FHIT: variants seen among roughly 807,000 people sequenced by gnomAD.
FHIT encodes the protein bis(5'-adenosyl)-triphosphatase.
In FHIT, 19 loss-of-function variants were observed where a neutral mutation model predicts 17.9. That is an observed-to-expected ratio of 1.06 (90% confidence interval 0.74 to 1.56). The LOEUF is 1.56. Among genes scored for constraint, FHIT ranks in the 40% most tolerant of loss-of-function variants. The pLI is 0.00. For synonymous variants in FHIT, 81 were observed against 69.7 expected, an observed-to-expected ratio of 1.16 and a Z score of -0.81; for missense variants, 248 against 189.2, an observed-to-expected ratio of 1.31 and a Z score of -1.82.
rs78489696 is a variant in FHIT, at chr3:60,375,813, A to C, written c.103+161047T>G. 5.5e-4 allele frequency among the ~76,000 whole-genome samples: 84 copies of C among 152,190 alleles called. 1 individual carries two copies. In the East Asian group the frequency reaches 0.013, roughly 23 times the overall value. On this transcript the variant is annotated intron_variant, in intron 5 of 9. Coordinates refer to ENST00000492590, the MANE Select transcript of FHIT (RefSeq NM_002012.4). ...CTGTTCTGTAGAAAGACCTTCCCAG[A>C]TCCTATAGATGCAATGCTGTCAAAC...
At chr3:59,885,084 A>C (rs1459405008) in intron 8 of FHIT, among the ~76,000 whole-genome samples, 3 of 152,234 alleles carry the variant, frequency 2.0e-5, no homozygotes, top group Non-Finnish European at 2.9e-5. Flanking sequence ...AATGTGTTCA[A>C]ATAAAGATAT....
At chr3:60,433,343 A>G (rs938193772) in intron 5 of FHIT, among the ~76,000 whole-genome samples, 1 of 152,024 alleles carries the variant, frequency 6.6e-6, no homozygotes, top group Non-Finnish European at 1.5e-5. Flanking sequence ...TAGGTTGTTT[A>G]TGTATTTTAA....
chr3:60,264,557 CTAACAA>C (rs1181753427), intron 5 of FHIT, among the ~76,000 whole-genome samples: 1 of 151,870 alleles, frequency 6.6e-6, no homozygotes, highest in African/African-American at 2.4e-5. Context: ...CCTAATAACA[CTAACAA>C]TAATACATTA....
chr3:61,238,241 T>C (rs1044991214), intron 1 of FHIT, among the ~76,000 whole-genome samples: 3 of 152,152 alleles, frequency 2.0e-5, no homozygotes, highest in Non-Finnish European at 2.9e-5. Flanking sequence ...AGTCTGCAGT[T>C]TCTGTAGATT....
At chr3:61,219,327 A>ATGTGTGTGTG (rs72023729) in intron 1 of FHIT, among the ~76,000 whole-genome samples, 139 of 146,996 alleles carry the variant, frequency 9.5e-4, no homozygotes, top group South Asian at 5.0e-3. Context: ...AAATCTAAAA[A>ATGTGTGTGTG]TGTGTGTGTG....
intron 8 of FHIT, among the ~76,000 whole-genome samples, chr3:59,897,124 G>A (rs1450755237): frequency 6.6e-6 from 1 of 152,142 alleles, no homozygotes; most frequent in African/African-American, 2.4e-5. Flanking sequence ...ATATAGTCTT[G>A]GGGTATCTGT....
rs115627484 is a variant in FHIT, at chr3:60,381,123, G to A, written c.103+155737C>T. ...TATATTACCCATATATTGTATTCCC[G>A]CGATTAGCCCCAAAGATGCCTCCCC... On this transcript the variant is annotated intron_variant, in intron 5 of 9. Coordinates refer to ENST00000492590, the MANE Select transcript of FHIT (RefSeq NM_002012.4). 1.2e-3 allele frequency among the ~76,000 whole-genome samples: 180 copies of A among 152,080 alleles called. 3 individuals carry two copies. The South Asian group carries it at 0.031, about 26-fold the overall frequency.
chr3:60,148,390 T>A (rs964957535), intron 5 of FHIT, among the ~76,000 whole-genome samples: 4 of 152,238 alleles, frequency 2.6e-5, no homozygotes, highest in African/African-American at 9.6e-5. Flanking sequence ...CATTACCTAG[T>A]GAAATGTAAG....
intron 5 of FHIT, among the ~76,000 whole-genome samples, chr3:60,170,334 T>C (rs1447165607): frequency 1.3e-5 from 2 of 152,126 alleles, no homozygotes; most frequent in African/African-American, 2.4e-5. Context: ...CCCAACAATA[T>C]ATGATTCTGT....
intron 5 of FHIT, among the ~76,000 whole-genome samples, chr3:60,224,840 C>T (rs971494894): frequency 3.7e-4 from 57 of 152,008 alleles, no homozygotes; most frequent in African/African-American, 1.3e-3. Context: ...CTTGCCTCAG[C>T]CTCTTGAATA....
intron 5 of FHIT, among the ~76,000 whole-genome samples, chr3:60,280,990 T>TGCAGGA: frequency 5.3e-4 from 1 of 1,878 alleles, no homozygotes; most frequent in African/African-American, 9.3e-4. Context: ...GCAGCAATGT[T>TGCAGGA]TCAGGATAAA....
intron 5 of FHIT, among the ~76,000 whole-genome samples, chr3:60,315,026 T>C (rs991352380): frequency 6.6e-6 from 1 of 152,126 alleles, no homozygotes; most frequent in African/African-American, 2.4e-5. Flanking sequence ...AAATCCTGAA[T>C]TGCTCTAAGA....
chr3:60,850,554 A>G (rs1376502148), intron 3 of FHIT, among the ~76,000 whole-genome samples: 4 of 151,984 alleles, frequency 2.6e-5, no homozygotes, highest in African/African-American at 9.7e-5. Context: ...CTTGTTGCCC[A>G]TCCCTACCTC....
intron 8 of FHIT, among the ~76,000 whole-genome samples, chr3:59,827,691 C>T (rs1701024522): frequency 6.6e-6 from 1 of 152,200 alleles, no homozygotes; most frequent in Non-Finnish European, 1.5e-5. Context: ...AGTTTAAATT[C>T]AGGTTTCTCT....
At chr3:60,477,287 A>C (rs2033395491) in intron 5 of FHIT, among the ~76,000 whole-genome samples, 1 of 152,152 alleles carries the variant, frequency 6.6e-6, no homozygotes, top group Non-Finnish European at 1.5e-5. Flanking sequence ...AAAAACCAGG[A>C]AAATGGCTTG....
chr3:59,797,697 T>C (rs1378719122), intron 8 of FHIT, among the ~76,000 whole-genome samples: 1 of 152,162 alleles, frequency 6.6e-6, no homozygotes, highest in East Asian at 1.9e-4. Context: ...CATTTAATAA[T>C]TAGGTCAATA....
intron 2 of FHIT, among the ~76,000 whole-genome samples, chr3:61,088,960 A>G (rs1421220021): frequency 2.0e-5 from 3 of 152,174 alleles, no homozygotes; most frequent in African/African-American, 7.2e-5. Context: ...TATCAACAAA[A>G]GAGGAAGAAA....
At chr3:60,524,093 A>G (rs1230933324) in intron 5 of FHIT, among the ~76,000 whole-genome samples, 1 of 152,102 alleles carries the variant, frequency 6.6e-6, no homozygotes, top group Non-Finnish European at 1.5e-5. Flanking sequence ...TATTTACTGA[A>G]CACCTCCTAT....
intron 5 of FHIT, among the ~76,000 whole-genome samples, chr3:60,091,846 A>G (rs1233902866): frequency 6.6e-6 from 1 of 152,100 alleles, no homozygotes; most frequent in Admixed American, 6.6e-5. Flanking sequence ...CCTCCCTAGA[A>G]GCCGAAGCTG....
Sources: allele counts gnomAD v4.1 joint callset (sites outside exome capture counted in the v4.1 genomes callset), GRCh38; gene constraint gnomAD v4.1.1; transcripts MANE v1.5; gene names NCBI Gene and HGNC (gene_info 2026-07-23, HGNC 2026-07-21).